The following WDR70 variants were observed in gnomAD, a reference collection of about 807,000 sequenced individuals.
WDR70 encodes WD repeat-containing protein 70.
Under a neutral mutation model 88.6 loss-of-function variants are expected in WDR70, and 53 were observed. The ratio of observed to expected loss-of-function variants is 0.60; its 90% CI spans 0.48 to 0.75. The LOEUF is 0.75. Ranked by LOEUF, WDR70 falls within the 30% of genes least tolerant of loss-of-function variation. The pLI, the probability that WDR70 is intolerant of heterozygous loss-of-function variation, is 0.00. For missense variants in WDR70, 610 were observed against 823.2 expected (o/e 0.74, Z 3.17); for synonymous variants, 280 against 270.0 (o/e 1.04, Z -0.36).
At chr5:37,432,329 A>G (rs1750330662) in intron 5 of WDR70, among the ~76,000 whole-genome samples, 1 of 152,052 alleles carries the variant, frequency 6.6e-6, no homozygotes, top group South Asian at 2.1e-4. Flanking sequence ...GCATCTTTTC[A>G]TGTGCTTATT....
At chr5:37,439,063 GC>G (rs1026308454) in intron 6 of WDR70, among the ~76,000 whole-genome samples, 3 of 152,028 alleles carry the variant, frequency 2.0e-5, no homozygotes, top group South Asian at 2.1e-4. Flanking sequence ...GACTACAGGT[GC>G]CCGCCACCAC....
At chr5:37,515,639 G>A (rs1018097487) in intron 8 of WDR70, among the ~76,000 whole-genome samples, 2 of 152,196 alleles carry the variant, frequency 1.3e-5, no homozygotes, top group East Asian at 3.8e-4. Context: ...TCTTTTCAGA[G>A]AGTTACTGTT....
At chr5:37,451,018 C>T (rs1738663158) in intron 7 of WDR70, among the ~76,000 whole-genome samples, 1 of 152,220 alleles carries the variant, frequency 6.6e-6, no homozygotes, top group South Asian at 2.1e-4. Flanking sequence ...CCTGCCTGAG[C>T]CTCCTGAGTA....
At chr5:37,713,252 CA>C (rs926597478) in intron 13 of WDR70, among the ~76,000 whole-genome samples, 4 of 152,106 alleles carry the variant, frequency 2.6e-5, no homozygotes, top group African/African-American at 7.2e-5. Flanking sequence ...GAATGAGGAT[CA>C]AAAGGAGGGC....
At chr5:37,584,525 A>G (rs543898211) in intron 9 of WDR70, among the ~76,000 whole-genome samples, 80 of 152,328 alleles carry the variant, frequency 5.3e-4, no homozygotes, top group African/African-American at 1.8e-3. Flanking sequence ...CTCCTTTTCA[A>G]ATTTGCACTG....
chr5:37,391,913 A>G (rs1748831690), intron 3 of WDR70, 87 bp from the exon 4 acceptor site: 1 of 1,403,794 alleles, frequency 7.1e-7, no homozygotes, highest in East Asian at 2.4e-5. Flanking sequence ...CTTTGTGACT[A>G]TGTTAATTTT....
intron 5 of WDR70, among the ~76,000 whole-genome samples, chr5:37,436,874 A>C (rs1020096673): frequency 6.6e-6 from 1 of 152,158 alleles, no homozygotes. Context: ...CTGTTAGGTC[A>C]CATGTTTAAT....
chr5:37,455,846 A>C (rs1183478875), intron 7 of WDR70, among the ~76,000 whole-genome samples: 6 of 151,826 alleles, frequency 4.0e-5, no homozygotes, highest in Non-Finnish European at 5.9e-5. Flanking sequence ...TATCCTCCAA[A>C]GTTCCCTTTA....
At chr5:37,619,115 A>AT (rs1242123024) in intron 10 of WDR70, among the ~76,000 whole-genome samples, 1 of 152,124 alleles carries the variant, frequency 6.6e-6, no homozygotes, top group Admixed American at 6.5e-5. Flanking sequence ...ATGGTGCCTT[A>AT]TTTTTTAATG....
chr5:37,687,160 A>G (rs1056946227), intron 10 of WDR70, among the ~76,000 whole-genome samples: 2 of 152,176 alleles, frequency 1.3e-5, no homozygotes, highest in African/African-American at 4.8e-5. Context: ...GATATTTGTC[A>G]TAATGGACTG....
At chr5:37,562,455 T>C (rs981352224) in intron 9 of WDR70, among the ~76,000 whole-genome samples, 3 of 152,040 alleles carry the variant, frequency 2.0e-5, no homozygotes, top group African/African-American at 7.3e-5. Context: ...TCTTTTTTTT[T>C]TTTTTTAATT....
At chr5:37,590,295 AC>A (rs1187098027) in intron 9 of WDR70, among the ~76,000 whole-genome samples, 1 of 152,162 alleles carries the variant, frequency 6.6e-6, no homozygotes. Flanking sequence ...TATTTTTACC[AC>A]CAGCCCTGTG....
intron 9 of WDR70, among the ~76,000 whole-genome samples, chr5:37,539,747 C>G (rs1238208805): frequency 1.3e-5 from 2 of 152,206 alleles, no homozygotes; most frequent in African/African-American, 4.8e-5. Context: ...ATGCCTTTGG[C>G]GAGTCTGCCT....
chr5:37,603,102 C>T (rs1236905364), intron 9 of WDR70, among the ~76,000 whole-genome samples: 1 of 151,952 alleles, frequency 6.6e-6, no homozygotes, highest in Non-Finnish European at 1.5e-5. Flanking sequence ...AATGCAATCC[C>T]TTTCAAAATT....
At chr5:37,558,741 T>C (rs994112779) in intron 9 of WDR70, among the ~76,000 whole-genome samples, 9 of 152,286 alleles carry the variant, frequency 5.9e-5, no homozygotes, top group African/African-American at 2.2e-4. Flanking sequence ...TTTATATAGA[T>C]ACATTTTAAT....
intron 10 of WDR70, among the ~76,000 whole-genome samples, chr5:37,679,643 TG>T (rs538761082): frequency 6.6e-6 from 1 of 152,276 alleles, no homozygotes; most frequent in East Asian, 1.9e-4. Flanking sequence ...CTGCCCCTAC[TG>T]GGGGGTGCCT....
At chr5:37,582,385 A>G (rs891812804) in intron 9 of WDR70, among the ~76,000 whole-genome samples, 3 of 152,224 alleles carry the variant, frequency 2.0e-5, no homozygotes, top group Non-Finnish European at 4.4e-5. Context: ...AAGTCCCTGT[A>G]TCAGATTTCC....
intron 7 of WDR70, among the ~76,000 whole-genome samples, chr5:37,478,076 A>G (rs1161206938): frequency 6.6e-6 from 1 of 152,222 alleles, no homozygotes; most frequent in Non-Finnish European, 1.5e-5. Context: ...CATACCACTT[A>G]TCTGATCAAG....
At chr5:37,677,560 A>C (rs935204905) in intron 10 of WDR70, among the ~76,000 whole-genome samples, 33 of 152,298 alleles carry the variant, frequency 2.2e-4, no homozygotes, top group African/African-American at 7.7e-4. Context: ...TGAGTTTCTT[A>C]ATCCTGAGTT....
Sources: gnomAD v4.1 joint callset for allele counts (sites outside exome capture counted in the v4.1 genomes callset) on GRCh38, gnomAD v4.1.1 for gene constraint, MANE v1.5 for transcripts, NCBI Gene and HGNC (gene_info 2026-07-23, HGNC 2026-07-21) for gene names.